Variants in SAMMSON observed in about 807,000 individuals in gnomAD.
The protein encoded by SAMMSON is survival associated mitochondrial melanoma specific oncogenic non-coding RNA.
chr3:70,340,740 G>C (rs1052406687), intron 7 of SAMMSON, among the ~76,000 whole-genome samples: 21 of 152,048 alleles, frequency 1.4e-4, no homozygotes, highest in Admixed American at 2.6e-4. Context: ...TATTCCACTG[G>C]GAGAGGACTC....
At chr3:70,296,948 T>G (rs1467391813) in intron 7 of SAMMSON, among the ~76,000 whole-genome samples, 2 of 151,938 alleles carry the variant, frequency 1.3e-5, no homozygotes, top group South Asian at 2.1e-4. Flanking sequence ...GCCTCTCTGG[T>G]CTAGTTTATT....
At chr3:70,062,921 A>G (rs1238847599) in intron 3 of SAMMSON, among the ~76,000 whole-genome samples, 1 of 152,012 alleles carries the variant, frequency 6.6e-6, no homozygotes, top group African/African-American at 2.4e-5. Context: ...GGTTGCCCAT[A>G]TCTTCAGAAA....
At chr3:70,031,797 T>A (rs1021065291) in intron 3 of SAMMSON, among the ~76,000 whole-genome samples, 4 of 152,206 alleles carry the variant, frequency 2.6e-5, no homozygotes, top group Non-Finnish European at 5.9e-5. Context: ...TAAAACACTG[T>A]AGACCGACAG....
intron 2 of SAMMSON, among the ~76,000 whole-genome samples, chr3:70,406,479 TAA>T (rs1701179275): frequency 1.3e-5 from 2 of 152,188 alleles, no homozygotes; most frequent in African/African-American, 4.8e-5. Flanking sequence ...TTCTTGGTTT[TAA>T]ACATTTTTTA....
At chr3:70,110,101 A>G (rs1576124249) in intron 4 of SAMMSON, among the ~76,000 whole-genome samples, 2 of 152,336 alleles carry the variant, frequency 1.3e-5, no homozygotes, top group Non-Finnish European at 2.9e-5. Context: ...TAGTCTGGCT[A>G]GTGGTGTGGA....
At chr3:70,172,869 T>A in intron 4 of SAMMSON, 1 of 152,160 alleles carries the variant, frequency 6.6e-6, no homozygotes, top group East Asian at 1.9e-4. Context: ...GAGAGATACA[T>A]GTTCCATAAT....
At chr3:70,192,157 C>A (rs896458166) in intron 4 of SAMMSON, among the ~76,000 whole-genome samples, 1 of 152,108 alleles carries the variant, frequency 6.6e-6, no homozygotes, top group Non-Finnish European at 1.5e-5. Flanking sequence ...TCCCACTTAC[C>A]CCCTTTCCCC....
chr3:70,034,163 T>C (rs1477314133), intron 3 of SAMMSON, among the ~76,000 whole-genome samples: 1 of 152,118 alleles, frequency 6.6e-6, no homozygotes, highest in Non-Finnish European at 1.5e-5. Flanking sequence ...GGGCCGTCTG[T>C]TTGAGCATCA....
At chr3:70,356,884 C>T (rs1187142083) in intron 8 of SAMMSON, among the ~76,000 whole-genome samples, 1 of 152,058 alleles carries the variant, frequency 6.6e-6, no homozygotes, top group East Asian at 1.9e-4. Flanking sequence ...TGAGCACTGA[C>T]TTTATCCCAG....
chr3:70,375,396 TTTG>T (rs1437802539), intron 9 of SAMMSON, among the ~76,000 whole-genome samples: 1 of 126,016 alleles, frequency 7.9e-6, no homozygotes, highest in Non-Finnish European at 1.7e-5. Flanking sequence ...TGAACAGTTT[TTTG>T]TTGTTTTTTT....
chr3:70,155,542 T>C (rs747939519), intron 4 of SAMMSON, among the ~76,000 whole-genome samples: 2 of 152,070 alleles, frequency 1.3e-5, no homozygotes, highest in Admixed American at 6.6e-5. Flanking sequence ...CTTAATAAGA[T>C]GAAGAATTTA....
intron 2 of SAMMSON, among the ~76,000 whole-genome samples, chr3:70,012,886 G>C (rs1364165007): frequency 6.6e-6 from 1 of 151,994 alleles, no homozygotes; most frequent in African/African-American, 2.4e-5. Context: ...GGGTCTTGGG[G>C]CCTCTTCTAC....
chr3:70,288,834 G>T (rs2106690111), intron 6 of SAMMSON, among the ~76,000 whole-genome samples: 1 of 151,670 alleles, frequency 6.6e-6, no homozygotes, highest in East Asian at 2.0e-4. Flanking sequence ...TGTCTGTTTT[G>T]ATCTTTGTTG....
chr3:70,154,169 A>T (rs1356120786), intron 4 of SAMMSON, among the ~76,000 whole-genome samples: 2 of 151,970 alleles, frequency 1.3e-5, no homozygotes, highest in Admixed American at 6.6e-5. Flanking sequence ...AAAATGTATT[A>T]ATCCTCATAA....
At chr3:70,330,622 T>C (rs1282746099) in intron 7 of SAMMSON, among the ~76,000 whole-genome samples, 1 of 152,116 alleles carries the variant, frequency 6.6e-6, no homozygotes, top group African/African-American at 2.4e-5. Flanking sequence ...CCCTGCTTGA[T>C]AATTATGTCC....
At chr3:70,019,359 A>T (rs11923982) in intron 3 of SAMMSON, among the ~76,000 whole-genome samples, 58,824 of 151,722 alleles carry the variant, frequency 0.39, 11,809 homozygotes, top group East Asian at 0.61. Context: ...TCTCTTTTGA[A>T]CTTTGTTGGT....
chr3:70,094,320 A>T (rs1186401733), intron 4 of SAMMSON, among the ~76,000 whole-genome samples: 1 of 152,132 alleles, frequency 6.6e-6, no homozygotes, highest in African/African-American at 2.4e-5. Context: ...GACTCCTTCC[A>T]GTGTATTCTA....
intron 3 of SAMMSON, among the ~76,000 whole-genome samples, chr3:70,040,453 A>C (rs1022606078): frequency 6.6e-6 from 1 of 152,174 alleles, no homozygotes; most frequent in African/African-American, 2.4e-5. Context: ...TCAGGAAGTA[A>C]AGACTGGTCA....
chr3:70,341,329 G>A (rs1702709056), intron 7 of SAMMSON, among the ~76,000 whole-genome samples: 1 of 151,392 alleles, frequency 6.6e-6, no homozygotes, highest in Non-Finnish European at 1.5e-5. Context: ...GGCAGACCCT[G>A]TTTTTTTTGG....
Sources: gnomAD v4.1 joint callset for allele counts (sites outside exome capture counted in the v4.1 genomes callset) on GRCh38, gnomAD v4.1.1 for gene constraint, MANE v1.5 for transcripts, NCBI Gene and HGNC (gene_info 2026-07-23, HGNC 2026-07-21) for gene names.